Variants in CASK observed in about 807,000 individuals in gnomAD.
CASK encodes calcium/calmodulin dependent serine protein kinase.
CASK carries 4 observed loss-of-function variants against 82.9 expected under a neutral mutation model. That is an observed-to-expected ratio of 0.05 (90% CI 0.02 to 0.11). CASK has a LOEUF of 0.11. CASK is among the 10% of genes least tolerant of loss of function. The pLI is 1.00. For synonymous variants in CASK, 259 were observed against 253.5 expected, an observed-to-expected ratio of 1.02 and a Z score of -0.20; for missense variants, 358 against 720.9, an observed-to-expected ratio of 0.50 and a Z score of 5.76.
At chrX:41,742,965 C>G (rs1368782409) in intron 4 of CASK, among the ~76,000 whole-genome samples, 1 of 112,163 alleles carries the variant, frequency 8.9e-6, no homozygotes, top group East Asian at 2.8e-4. Flanking sequence ...ATTTTAACAG[C>G]TTATACAGGT....
chrX:41,657,583 C>T (rs966121494), intron 8 of CASK, among the ~76,000 whole-genome samples: 7 of 110,759 alleles, frequency 6.3e-5, no homozygotes, highest in Non-Finnish European at 1.1e-4. Context: ...AGTGCTATGG[C>T]GTGATCTTGG....
chrX:41,678,870 T>G (rs1198832807), intron 5 of CASK, among the ~76,000 whole-genome samples: 1 of 110,300 alleles, frequency 9.1e-6, no homozygotes, highest in East Asian at 2.8e-4. Flanking sequence ...TAATACACCT[T>G]AGCACACATA....
chrX:41,907,152 T>C (rs1421710566), intron 1 of CASK, among the ~76,000 whole-genome samples: 2 of 112,478 alleles, frequency 1.8e-5, no homozygotes, highest in African/African-American at 3.2e-5. Flanking sequence ...ACTACTAAAC[T>C]ATTCAACCCA....
At chrX:41,881,706 CT>C (rs1294882946) in intron 1 of CASK, among the ~76,000 whole-genome samples, 6 of 111,903 alleles carry the variant, frequency 5.4e-5, no homozygotes, top group Non-Finnish European at 1.1e-4. Context: ...TATGTGCCAA[CT>C]TACATTTATA....
At chrX:41,861,843 T>C (rs934114455) in intron 1 of CASK, among the ~76,000 whole-genome samples, 1 of 102,398 alleles carries the variant, frequency 9.8e-6, no homozygotes, top group Non-Finnish European at 2.0e-5. Flanking sequence ...ACATACAATA[T>C]ATACATATAA....
chrX:41,560,135 A>C (rs1459996246), intron 17 of CASK, among the ~76,000 whole-genome samples: 1 of 112,655 alleles, frequency 8.9e-6, no homozygotes, highest in Non-Finnish European at 1.9e-5. Context: ...TTTCTAAGTG[A>C]CATGCCTTTC....
chrX:41,634,944 T>G (rs1321010023), intron 9 of CASK, among the ~76,000 whole-genome samples: 2 of 112,080 alleles, frequency 1.8e-5, no homozygotes, highest in African/African-American at 6.5e-5. Context: ...GAAGAGTCAC[T>G]TTGAACCCTT....
intron 1 of CASK, among the ~76,000 whole-genome samples, chrX:41,908,171 G>C (rs2072501490): frequency 8.9e-6 from 1 of 111,849 alleles, no homozygotes; most frequent in South Asian, 3.7e-4. Flanking sequence ...AGGAGTTCAA[G>C]ATCAGCCTGG....
intron 16 of CASK, among the ~76,000 whole-genome samples, chrX:41,565,542 G>C (rs1351089771): frequency 9.0e-6 from 1 of 111,532 alleles, no homozygotes; most frequent in East Asian, 2.8e-4. Flanking sequence ...CCAGGAAGAA[G>C]TTGAATCTCT....
Position 41,804,920 on chromosome X carries a change from A to G in CASK, c.173-17637T>C, listed in dbSNP as rs1448441432. On this transcript the variant is annotated intron_variant, in intron 2 of 26. Transcript: ENST00000378163. ...TTAAGCATTACCTAATGGTGGTAAT[A>G]CTCATTCAGGTCTGGGATACTCTAA... Among the ~76,000 whole-genome samples, 3 of 112,026 alleles carry G rather than the reference A, an allele frequency of 2.7e-5. No homozygotes were observed. In the East Asian group the frequency reaches 8.4e-4, roughly 31 times the overall value.
intron 2 of CASK, among the ~76,000 whole-genome samples, chrX:41,852,279 A>G (rs1345668670): frequency 9.0e-6 from 1 of 111,558 alleles, no homozygotes; most frequent in African/African-American, 3.2e-5. Context: ...AACTGGATAA[A>G]ATATAAATAG....
intron 5 of CASK, among the ~76,000 whole-genome samples, chrX:41,702,193 C>CCAAGGCGGGCAGATCACGAGGTCAAGAGA (rs2067807339): frequency 9.1e-6 from 1 of 109,954 alleles, no homozygotes; most frequent in Non-Finnish European, 1.9e-5. Flanking sequence ...CAAGACGAGC[C>CCAAGGCGGGCAGATCACGAGGTCAAGAGA]TGACCAACAT....
chrX:41,609,970 G>A lies in CASK; in HGVS notation c.1089C>T (p.Cys363=), dbSNP rs1438330953. Residue 363 remains cysteine (C), a synonymous_variant, in exon 12 of 27, where the codon TGC becomes TGT. Transcript: ENST00000378163. The part of the protein sequence containing the change: ...SLEEIHALTD[C]SEKDLDFLHS... ...GTAGAAAATCTAGGTCCTTTTCACT[G>A]CAGTCTGTAAGCGCATGAATCTCTT... 6 of 1,205,936 alleles carry A rather than the reference G, an allele frequency of 5.0e-6. No individual in the cohort carries two copies. The highest frequency in any genetic ancestry group is 6.7e-6 in the Non-Finnish European group (6 of 891,392).
chrX:41,632,531 G>A (rs1311533475), intron 9 of CASK, among the ~76,000 whole-genome samples: 2 of 111,543 alleles, frequency 1.8e-5, no homozygotes, highest in East Asian at 5.6e-4. Context: ...GCATTTGAAA[G>A]GTGCTAGCGC....
At chrX:41,895,769 G>A (rs1405051073) in intron 1 of CASK, among the ~76,000 whole-genome samples, 1 of 111,666 alleles carries the variant, frequency 9.0e-6, no homozygotes, top group East Asian at 2.8e-4. Flanking sequence ...CTAAATTGAG[G>A]CAAGTAAGCC....
intron 5 of CASK, among the ~76,000 whole-genome samples, chrX:41,719,395 C>T (rs1187045588): frequency 1.8e-5 from 2 of 111,826 alleles, no homozygotes; most frequent in Non-Finnish European, 3.8e-5. Flanking sequence ...TCACTGGATG[C>T]ACAAGGAAAT....
At chrX:41,878,261 G>A (rs1215359785) in intron 1 of CASK, among the ~76,000 whole-genome samples, 1 of 110,931 alleles carries the variant, frequency 9.0e-6, no homozygotes, top group Admixed American at 9.6e-5. Flanking sequence ...ATTTAGGGAA[G>A]TAAAGGAAGA....
chrX:41,530,798 C>G (rs888204855), intron 25 of CASK, among the ~76,000 whole-genome samples: 1 of 112,444 alleles, frequency 8.9e-6, no homozygotes, highest in Non-Finnish European at 1.9e-5. Flanking sequence ...ATCTCTGCTT[C>G]TTAAATACAT....
At chrX:41,854,465 C>T (rs911533199) in intron 1 of CASK, among the ~76,000 whole-genome samples, 11 of 112,141 alleles carry the variant, frequency 9.8e-5, no homozygotes, top group Non-Finnish European at 1.9e-4. Context: ...TTTCCCCCTC[C>T]TGGGGAGAAG....
Sources: gnomAD v4.1 joint callset for allele counts (sites outside exome capture counted in the v4.1 genomes callset) on GRCh38, gnomAD v4.1.1 for gene constraint, MANE v1.5 for transcripts, NCBI Gene and HGNC (gene_info 2026-07-23, HGNC 2026-07-21) for gene names.